SOS1: variants seen among roughly 807,000 people sequenced by gnomAD.
SOS1 encodes son of sevenless homolog 1.
Under a neutral mutation model 157.6 loss-of-function variants are expected in SOS1, and 25 were observed. That is an observed-to-expected ratio of 0.16 (90% CI 0.12 to 0.22). SOS1 has a LOEUF of 0.22. Ranked by LOEUF, SOS1 falls within the 10% of genes least tolerant of loss-of-function variation. SOS1 has a pLI of 1.00. For missense variants in SOS1, 1,237 were observed against 1,599.1 expected (o/e 0.77, Z 3.86); for synonymous variants, 528 against 534.0 (o/e 0.99, Z 0.16).
intron 15 of SOS1, 104 bp from the exon 16 acceptor site, chr2:39,007,297 C>A (rs1288058158): frequency 3.9e-6 from 3 of 772,900 alleles, no homozygotes; most frequent in Admixed American, 2.0e-5. Flanking sequence ...AGGGGGGTGG[C>A]GATAGTATAA....
chr2:39,084,232 T>A (rs1212989283), intron 1 of SOS1, among the ~76,000 whole-genome samples: 2 of 152,174 alleles, frequency 1.3e-5, no homozygotes, highest in African/African-American at 4.8e-5. Flanking sequence ...TACAACTATA[T>A]ATGTAGCCAT....
At chr2:39,070,446 T>G (rs1671757687) in intron 1 of SOS1, among the ~76,000 whole-genome samples, 1 of 152,128 alleles carries the variant, frequency 6.6e-6, no homozygotes, top group Admixed American at 6.5e-5. Flanking sequence ...TCTTCCTCCA[T>G]TCCTCCACCC....
intron 1 of SOS1, among the ~76,000 whole-genome samples, chr2:39,080,159 T>G (rs945100050): frequency 6.6e-6 from 1 of 151,984 alleles, no homozygotes; most frequent in Non-Finnish European, 1.5e-5. Flanking sequence ...TGTGCTTGTT[T>G]TTCTGCAACT....
At position 39,054,653 on chromosome 2, in the gene SOS1, T is replaced by A; in HGVS notation, c.681A>T (p.Arg227Ser). The A allele has an allele frequency of 1.9e-6, 3 of 1,591,130 alleles. No individual in the cohort carries two copies. The highest frequency in any genetic ancestry group is 2.6e-6 in the Non-Finnish European group (3 of 1,159,360). ...ATTTTGAATTGGAGACAAAGGGCTC[T>A]CTAAAAACTTTTATAATTAGATTTA... is the stretch of plus-strand genomic sequence containing the variant. ...RELNLIIKVF[R>S]EPFVSNSKLF... The change falls in exon 5 of 23, where the codon AGA becomes AGT. Residue 227 changes from arginine to serine, a missense_variant. Arg to Ser is a moderately radical substitution (Grantham distance 110, BLOSUM62 -1). This residue lies in a region of SOS1 where 108 missense variants were observed against 115.3 expected (regional missense o/e 0.94). Coordinates refer to ENST00000402219, the MANE Select transcript of SOS1 (RefSeq NM_005633.4).
intron 1 of SOS1, among the ~76,000 whole-genome samples, chr2:39,093,590 A>G (rs2148191721): frequency 6.6e-6 from 1 of 152,372 alleles, no homozygotes; most frequent in African/African-American, 2.4e-5. Flanking sequence ...TTGTTAAGAA[A>G]TGAGAGGGAA....
At chr2:39,105,506 C>T (rs1050804272) in intron 1 of SOS1, among the ~76,000 whole-genome samples, 1 of 151,958 alleles carries the variant, frequency 6.6e-6, no homozygotes, top group Non-Finnish European at 1.5e-5. Context: ...TTTTTGAACA[C>T]CACATATAAG....
chr2:39,112,052 C>A (rs1396405805), intron 1 of SOS1, among the ~76,000 whole-genome samples: 6 of 152,118 alleles, frequency 3.9e-5, no homozygotes. Flanking sequence ...CATCCCCTAT[C>A]TACTCCCACT....
At chr2:39,112,324 C>T (rs1274948472) in intron 1 of SOS1, among the ~76,000 whole-genome samples, 2 of 152,146 alleles carry the variant, frequency 1.3e-5, no homozygotes, top group Non-Finnish European at 2.9e-5. Flanking sequence ...CACTGCTGAG[C>T]AATTCCTCTC....
At chr2:39,086,282 A>C (rs1261956661) in intron 1 of SOS1, among the ~76,000 whole-genome samples, 1 of 152,214 alleles carries the variant, frequency 6.6e-6, no homozygotes, top group South Asian at 2.1e-4. Context: ...AGCAGACTAT[A>C]TACAAGTGAA....
intron 6 of SOS1, among the ~76,000 whole-genome samples, chr2:39,037,384 C>A (rs756379413): frequency 2.6e-5 from 4 of 152,162 alleles, no homozygotes; most frequent in African/African-American, 4.8e-5. Context: ...CTTTTATACT[C>A]AAAAATTTTT....
intron 5 of SOS1, among the ~76,000 whole-genome samples, chr2:39,052,133 T>C (rs540929806): frequency 5.3e-5 from 8 of 152,238 alleles, no homozygotes; most frequent in South Asian, 4.1e-4. Flanking sequence ...TTGCCTATTC[T>C]GGACTTTCCA....
chr2:39,004,837 A>T (rs906944856), intron 17 of SOS1, among the ~76,000 whole-genome samples: 1 of 152,192 alleles, frequency 6.6e-6, no homozygotes, highest in African/African-American at 2.4e-5. Context: ...TGCAACAAAT[A>T]GCTTAGTAGT....
intron 17 of SOS1, among the ~76,000 whole-genome samples, chr2:38,998,084 T>G (rs1308448884): frequency 6.6e-6 from 1 of 152,182 alleles, no homozygotes; most frequent in Non-Finnish European, 1.5e-5. Context: ...GTTTGTAGAC[T>G]TAGTGGCAAC....
At chr2:39,053,628 A>G (rs1234179102) in intron 5 of SOS1, among the ~76,000 whole-genome samples, 1 of 152,138 alleles carries the variant, frequency 6.6e-6, no homozygotes, top group East Asian at 1.9e-4. Flanking sequence ...TGTAGTGAGC[A>G]CTGTTTCTCT....
At chr2:39,066,228 T>C (rs1671583628) in intron 2 of SOS1, among the ~76,000 whole-genome samples, 1 of 152,194 alleles carries the variant, frequency 6.6e-6, no homozygotes, top group Non-Finnish European at 1.5e-5. Context: ...TGCAAAGCAC[T>C]GCCATTACCA....
At chr2:39,100,933 A>T (rs988658833) in intron 1 of SOS1, among the ~76,000 whole-genome samples, 1 of 152,210 alleles carries the variant, frequency 6.6e-6, no homozygotes, top group African/African-American at 2.4e-5. Context: ...AAATAATAAA[A>T]TACAGCAAGG....
intron 1 of SOS1, among the ~76,000 whole-genome samples, chr2:39,102,662 C>T (rs953282029): frequency 9.3e-5 from 14 of 150,326 alleles, no homozygotes; most frequent in Non-Finnish European, 1.6e-4. Context: ...AAGACTGGTG[C>T]GGCCGGGCAT....
intron 1 of SOS1, among the ~76,000 whole-genome samples, chr2:39,072,426 T>C (rs1269959619): frequency 6.6e-6 from 1 of 152,218 alleles, no homozygotes; most frequent in Non-Finnish European, 1.5e-5. Context: ...AGAGTCTGTT[T>C]GGTTGTTTGG....
chr2:39,040,609 T>C (rs748682231), intron 6 of SOS1, among the ~76,000 whole-genome samples: 1 of 152,336 alleles, frequency 6.6e-6, no homozygotes, highest in Non-Finnish European at 1.5e-5. Context: ...CTTATTTTAT[T>C]AGCATAACGT....
Sources: allele counts gnomAD v4.1 joint callset (sites outside exome capture counted in the v4.1 genomes callset), GRCh38; gene constraint gnomAD v4.1.1; regional missense constraint gnomAD v4.1.1; transcripts MANE v1.5; gene names NCBI Gene and HGNC (gene_info 2026-07-23, HGNC 2026-07-21).